Variants in CS observed in about 807,000 individuals in gnomAD.
CS encodes the protein citrate synthase, also known as citrate synthase, mitochondrial.
CS carries 13 observed loss-of-function variants against 61.4 expected under a neutral mutation model. The ratio of observed to expected loss-of-function variants is 0.21; its 90% confidence interval spans 0.14 to 0.34. CS has a LOEUF of 0.34. Ranked by LOEUF, CS falls within the 10% of genes least tolerant of loss-of-function variation. The pLI, the probability that CS is intolerant of heterozygous loss-of-function variation, is 1.00. For synonymous variants in CS, 159 were observed against 215.2 expected (o/e 0.74, Z 2.29); for missense variants, 278 against 573.4 (o/e 0.48, Z 5.26).
intron 1 of CS, among the ~76,000 whole-genome samples, chr12:56,290,989 A>T (rs1413389558): frequency 6.6e-6 from 1 of 152,206 alleles, no homozygotes; most frequent in African/African-American, 2.4e-5. Flanking sequence ...ACCAAGGACC[A>T]AGTCCTAAAT....
At chr12:56,299,352 G>A (rs924025610) in intron 1 of CS, among the ~76,000 whole-genome samples, 1 of 152,216 alleles carries the variant, frequency 6.6e-6, no homozygotes, top group African/African-American at 2.4e-5. Context: ...CAAAGAAGGA[G>A]AGAAAGTTCC....
At position 56,273,297 on chromosome 12, in the gene CS, A is replaced by C. The variant is rs534397265; in HGVS notation, c.1231-43T>G. 2.8e-5 allele frequency: 44 copies of C among 1,590,756 alleles called. No homozygotes were observed. In the South Asian group the frequency reaches 4.8e-4, roughly 17 times the overall value. On this transcript the variant is annotated intron_variant, in intron 10 of 10. Coordinates refer to ENST00000351328, the MANE Select transcript of CS (RefSeq NM_004077.3). ...AAAATATTTCATTTAAGGCAGAGGC[A>C]GTGGCATGTACAAGTCCTAGGTGAT...
At chr12:56,291,388 C>A in intron 1 of CS, 2 of 608,852 alleles carry the variant, frequency 3.3e-6, no homozygotes, top group Non-Finnish European at 4.2e-6. Flanking sequence ...GGAAAAGATA[C>A]CAGTTTTCTT....
intron 2 of CS, 91 bp downstream of exon 2, chr12:56,286,501 GATA>G: frequency 1.0e-6 from 1 of 955,460 alleles, no homozygotes; most frequent in Non-Finnish European, 1.7e-6. Context: ...AAATACTCAG[GATA>G]ATAAGAGGCC....
intron 1 of CS, among the ~76,000 whole-genome samples, chr12:56,294,473 C>CAAAAAAAA (rs1227364181): frequency 2.7e-5 from 1 of 36,916 alleles, no homozygotes; most frequent in Non-Finnish European, 5.2e-5. Context: ...GACTCTGTCT[C>CAAAAAAAA]AAAAAAAAAA....
chr12:56,282,818 A>G (rs1872813942), intron 5 of CS, 42 bp downstream of exon 5: 2 of 1,610,166 alleles, frequency 1.2e-6, no homozygotes, highest in Non-Finnish European at 1.7e-6. Flanking sequence ...AAGGCAATGA[A>G]GAAGGGGAAT....
intron 3 of CS, among the ~76,000 whole-genome samples, chr12:56,284,935 T>C (rs1592410018): frequency 6.7e-6 from 1 of 149,076 alleles, no homozygotes; most frequent in African/African-American, 2.4e-5. Context: ...CCAGCCATGT[T>C]GCCAAGGCTG....
intron 2 of CS, chr12:56,286,323 G>T: frequency 1.9e-6 from 1 of 521,776 alleles, no homozygotes. Context: ...TGATTAAAAT[G>T]GTAAATTTTA....
intron 3 of CS, among the ~76,000 whole-genome samples, chr12:56,284,589 CTT>C (rs562855498): frequency 7.9e-5 from 11 of 139,532 alleles, no homozygotes; most frequent in Non-Finnish European, 1.1e-4. Context: ...TTTTGTATTT[CTT>C]TTTTTTTTTT....
chr12:56,286,654 C>CA lies in CS; in HGVS notation c.43-10dup. 3 of 1,612,208 alleles carry CA rather than the reference C, an allele frequency of 1.9e-6. No individual in the cohort carries two copies. Among genetic ancestry groups the CA allele is most frequent in the African/African-American group, 1.3e-5 (1 of 74,800 alleles). On this transcript the variant is annotated splice_polypyrimidine_tract_variant and intron_variant, in intron 1 of 10. Coordinates refer to ENST00000351328, the MANE Select transcript of CS (RefSeq NM_004077.3). ...ACAAGACAAGATGCATTCTGCAAAG[C>CA]AAAAAAGAGAACCTTATGTAACTGT...
intron 1 of CS, among the ~76,000 whole-genome samples, chr12:56,297,992 C>CG (rs1873360098): frequency 3.3e-5 from 5 of 151,986 alleles, no homozygotes; most frequent in Admixed American, 6.6e-5. Context: ...CTTTGCTACC[C>CG]CCCCCGCCCT....
At chr12:56,284,005 TGAG>T (rs1332748837) in intron 3 of CS, 148 bp from the exon 4 acceptor site, 1 of 642,206 alleles carries the variant, frequency 1.6e-6, no homozygotes, top group Non-Finnish European at 2.7e-6. Flanking sequence ...GAGAGATGTC[TGAG>T]GAGTCAGCTT....
chr12:56,298,713 T>C, intron 1 of CS: 1 of 981,738 alleles, frequency 1.0e-6, no homozygotes, highest in Middle Eastern at 5.2e-4. Flanking sequence ...AAGGTAAATC[T>C]TACAAATTTC....
In CS at chr12:56,272,188, T is replaced by A; in HGVS notation, c.*896A>T. 2 of 265,270 alleles carry A rather than the reference T, an allele frequency of 7.5e-6. No homozygotes were observed. The highest frequency in any genetic ancestry group is 1.5e-5 in the Non-Finnish European group (2 of 132,920). 16.4% of individuals were successfully genotyped at this position (265,270 alleles called of 1,614,324 possible). On this transcript the variant is annotated 3_prime_UTR_variant, in exon 11 of 11. Transcript: ENST00000351328. ...AATATCATGCTGGTCATTCCGGAGTTCTATGCCCCACAGCATATTAAAAGA... is the reference window on the plus strand; with the variant it reads ...AATATCATGCTGGTCATTCCGGAGTACTATGCCCCACAGCATATTAAAAGA...
chr12:56,287,013 G>A (rs1324229783), intron 1 of CS, among the ~76,000 whole-genome samples: 1 of 152,066 alleles, frequency 6.6e-6, no homozygotes, highest in African/African-American at 2.4e-5. Flanking sequence ...CTGGTCTTTC[G>A]ACAGCACTTC....
rs753753300 is a variant in CS, at chr12:56,286,590, C to A, written c.93+5G>T. The A allele has an allele frequency of 6.2e-7, 1 of 1,613,880 alleles. No homozygotes were observed. The highest frequency in any genetic ancestry group is 1.1e-5 in the South Asian group (1 of 91,074). On this transcript the variant is annotated splice_donor_5th_base_variant and intron_variant, in intron 2 of 10. Transcript: ENST00000351328. ...TTATTCTTAGTCTTCTTTTCCAAAC[C>A]TTACCGTGGAGGAAGCACTGGCATG...
intron 2 of CS, 150 bp downstream of exon 2, chr12:56,286,445 A>G (rs1565622055): frequency 1.6e-6 from 1 of 612,800 alleles, no homozygotes; most frequent in Non-Finnish European, 2.9e-6. Context: ...GTAATATAAT[A>G]ATAATAGCAG....
At chr12:56,292,311 G>T (rs908210939) in intron 1 of CS, among the ~76,000 whole-genome samples, 51 of 150,784 alleles carry the variant, frequency 3.4e-4, no homozygotes, top group African/African-American at 1.1e-3. Flanking sequence ...GGCAGGAGAA[G>T]CTCCGGGAGG....
chr12:56,279,090 A>G (rs976455735), intron 6 of CS, among the ~76,000 whole-genome samples: 3 of 152,104 alleles, frequency 2.0e-5, no homozygotes, highest in Non-Finnish European at 2.9e-5. Context: ...GCAAAACTTG[A>G]TCTGTCAGCT....
Sources: allele counts gnomAD v4.1 joint callset (sites outside exome capture counted in the v4.1 genomes callset), GRCh38; gene constraint gnomAD v4.1.1; transcripts MANE v1.5; gene names NCBI Gene and HGNC (gene_info 2026-07-23, HGNC 2026-07-21).